The following SHTN1 variants were observed in gnomAD, a reference collection of about 807,000 sequenced individuals.
The protein encoded by SHTN1 is shootin 1.
A neutral mutation model predicts 83.1 loss-of-function variants in SHTN1; 42 were observed. That is an observed-to-expected ratio of 0.51 (90% CI 0.39 to 0.65). SHTN1 has a LOEUF of 0.65. Among genes scored for constraint, SHTN1 ranks in the 30% least tolerant of loss-of-function variants. The pLI is 0.00. For missense variants in SHTN1, 622 were observed against 737.8 expected, an observed-to-expected ratio of 0.84 and a Z score of 1.82; for synonymous variants, 224 against 247.7, an observed-to-expected ratio of 0.90 and a Z score of 0.90.
intron 1 of SHTN1, among the ~76,000 whole-genome samples, chr10:117,108,589 G>A (rs2133636611): frequency 6.6e-6 from 1 of 150,688 alleles, no homozygotes; most frequent in Non-Finnish European, 1.5e-5. Context: ...GATAGAATTA[G>A]GAGATATACC....
At position 116,881,828 on chromosome 10, in the gene SHTN1, G is replaced by A. The variant is rs1374933730; in HGVS notation, c.*4516C>T. On this transcript the variant is annotated 3_prime_UTR_variant, in exon 17 of 17. Coordinates refer to ENST00000355371, the MANE Select transcript of SHTN1 (RefSeq NM_001127211.3). ...CCACTGTTTGGTAAATTACATATAT[G>A]ATGTTTTTGCCTGAAATTCTGTGAA... The A allele has an allele frequency of 9.2e-6, 5 of 543,112 alleles. No homozygotes were observed. Among genetic ancestry groups the A allele is most frequent in the Admixed American group, 4.3e-5 (1 of 23,068 alleles). 33.6% of individuals were successfully genotyped at this position (543,112 alleles called of 1,614,324 possible).
At chr10:117,027,115 C>T (rs1443916337) in intron 2 of SHTN1, among the ~76,000 whole-genome samples, 2 of 152,176 alleles carry the variant, frequency 1.3e-5, no homozygotes, top group Non-Finnish European at 2.9e-5. Context: ...TCTTCTGGAC[C>T]TTGTCCAAGA....
chr10:116,894,941 A>G (rs1847464552), intron 16 of SHTN1, among the ~76,000 whole-genome samples: 1 of 152,216 alleles, frequency 6.6e-6, no homozygotes, highest in Admixed American at 6.5e-5. Flanking sequence ...CTTTCTCCAT[A>G]CTGAAGGCCC....
At chr10:116,990,293 T>TC (rs1194426236) in intron 1 of SHTN1, among the ~76,000 whole-genome samples, 1 of 148,108 alleles carries the variant, frequency 6.8e-6, no homozygotes, top group Non-Finnish European at 1.5e-5. Flanking sequence ...CTTTCTTTTT[T>TC]TTTTTTTTTT....
At chr10:117,085,232 CAT>C (rs1853333511) in intron 1 of SHTN1, among the ~76,000 whole-genome samples, 1 of 152,148 alleles carries the variant, frequency 6.6e-6, no homozygotes, top group South Asian at 2.1e-4. Flanking sequence ...GGTTAAAAAA[CAT>C]TATCGATTTT....
chr10:116,887,998 C>G (rs1233346451), intron 16 of SHTN1, among the ~76,000 whole-genome samples: 1 of 152,194 alleles, frequency 6.6e-6, no homozygotes, highest in African/African-American at 2.4e-5. Context: ...CACTTTCTGA[C>G]CAGTACTGTA....
At chr10:116,909,298 ACTAAT>A (rs1221673048) in intron 14 of SHTN1, among the ~76,000 whole-genome samples, 1 of 152,156 alleles carries the variant, frequency 6.6e-6, no homozygotes. Flanking sequence ...CATAATACTA[ACTAAT>A]CTAATTGTCA....
rs370465114 is a variant in SHTN1, at chr10:116,899,802, T to C, written c.1673+1963A>G. Among the ~76,000 whole-genome samples, 138 of 152,258 alleles carry C rather than the reference T, an allele frequency of 9.1e-4. 1 individual carries two copies. Among genetic ancestry groups the C allele is most frequent in the African/African-American group, 3.2e-3 (133 of 41,544 alleles). On this transcript the variant is annotated intron_variant, in intron 16 of 16. Coordinates refer to ENST00000355371, the MANE Select transcript of SHTN1 (RefSeq NM_001127211.3). ...AAAGTGCTTTGACAGGCCAAGTCTA[T>C]AAAGTAAGAGAATGTGGTTAGTGTA...
chr10:117,047,502 C>CGTTT (rs1414326736), intron 2 of SHTN1, among the ~76,000 whole-genome samples: 5 of 152,226 alleles, frequency 3.3e-5, no homozygotes, highest in Middle Eastern at 3.4e-3. Context: ...CTCAAATAAA[C>CGTTT]CAGTCTGTTA....
chr10:117,000,861 C>T (rs539563630), intron 1 of SHTN1, among the ~76,000 whole-genome samples: 5 of 152,158 alleles, frequency 3.3e-5, no homozygotes, highest in Non-Finnish European at 7.3e-5. Flanking sequence ...TATCTCTAGA[C>T]CAGGAACTCC....
chr10:117,051,304 A>T (rs147937555), intron 1 of SHTN1, among the ~76,000 whole-genome samples: 519 of 152,298 alleles, frequency 3.4e-3, no homozygotes, highest in Non-Finnish European at 5.1e-3. Flanking sequence ...GCTGAGGATT[A>T]AATGACTTCA....
intron 1 of SHTN1, among the ~76,000 whole-genome samples, chr10:117,118,986 A>G (rs1853887908): frequency 6.6e-6 from 1 of 152,270 alleles, no homozygotes; most frequent in Admixed American, 6.5e-5. Context: ...ACACAATGAA[A>G]TATTATGTAA....
In SHTN1 at chr10:116,884,770, C is replaced by T. The variant is rs1003637578; in HGVS notation, c.*1574G>A. The T allele has an allele frequency of 3.8e-5, 6 of 157,720 alleles. No individual in the cohort carries two copies. Among genetic ancestry groups the T allele is most frequent in the Admixed American group, 5.9e-5 (1 of 16,824 alleles). 9.8% of individuals were successfully genotyped at this position (157,720 alleles called of 1,614,324 possible). On this transcript the variant is annotated 3_prime_UTR_variant, in exon 17 of 17. Transcript: ENST00000355371. ...CAAGCTTGGGGAACTAAACCAGAAA[C>T]GTTAATAATAACCACAACTGACCCT... is the stretch of plus-strand genomic sequence containing the variant.
intron 2 of SHTN1, among the ~76,000 whole-genome samples, chr10:117,014,839 A>G (rs1251547275): frequency 6.6e-6 from 1 of 152,238 alleles, no homozygotes; most frequent in African/African-American, 2.4e-5. Flanking sequence ...ATAAGAAATG[A>G]TTAAGAAATG....
rs187596011 is a variant in SHTN1, at chr10:117,061,343, T to C, written c.-188-12833A>G. Among the ~76,000 whole-genome samples, 182 of 152,064 alleles carry C rather than the reference T, an allele frequency of 1.2e-3. 2 individuals carry two copies. Among genetic ancestry groups the C allele is most frequent in the East Asian group, 0.012 (60 of 5,162 alleles). ...TCCCGAGTAGCTGGGATTACAGGTT[T>C]GCACTACCATGCCCAGCTAATTTTT... On this transcript the variant is annotated intron_variant, in intron 1 of 17. Coordinates refer to the SHTN1 transcript ENST00000392901.
chr10:117,094,925 C>T (rs189838923), intron 1 of SHTN1, among the ~76,000 whole-genome samples: 3 of 152,292 alleles, frequency 2.0e-5, no homozygotes, highest in African/African-American at 4.8e-5. Flanking sequence ...TGGCCTTCTC[C>T]GTTTTACATG....
intron 3 of SHTN1, 159 bp from the exon 4 acceptor site, chr10:116,960,389 A>T (rs1424162979): frequency 2.0e-6 from 1 of 499,278 alleles, no homozygotes; most frequent in Non-Finnish European, 3.6e-6. Context: ...CCCTGATTAA[A>T]TCTGAGCTAA....
At chr10:117,017,791 A>C (rs1223833083) in intron 2 of SHTN1, among the ~76,000 whole-genome samples, 2 of 152,146 alleles carry the variant, frequency 1.3e-5, no homozygotes, top group African/African-American at 4.8e-5. Flanking sequence ...AGCAGACGGC[A>C]GTTTAACTAA....
chr10:116,935,059 T>C (rs1438893089), intron 9 of SHTN1, among the ~76,000 whole-genome samples: 1 of 152,210 alleles, frequency 6.6e-6, no homozygotes, highest in Admixed American at 6.5e-5. Flanking sequence ...TTAAGGAGAT[T>C]TTGGGCTGAA....
Sources: gnomAD v4.1 joint callset for allele counts (sites outside exome capture counted in the v4.1 genomes callset) on GRCh38, gnomAD v4.1.1 for gene constraint, MANE v1.5 for transcripts, NCBI Gene and HGNC (gene_info 2026-07-23, HGNC 2026-07-21) for gene names.